ASPHD1: variants seen among roughly 807,000 people sequenced by gnomAD.
The protein encoded by ASPHD1 is aspartate beta-hydroxylase domain containing 1.
Under a neutral mutation model 28.3 loss-of-function variants are expected in ASPHD1, and 20 were observed. The ratio of observed to expected loss-of-function variants is 0.71; its 90% CI spans 0.50 to 1.03. ASPHD1 has a LOEUF of 1.03. Among genes scored for constraint, ASPHD1 ranks in the 50% least tolerant of loss-of-function variants. The probability of loss-of-function intolerance (pLI) is 0.00; values close to 1 mark genes in which losing one functional copy is unlikely to be tolerated. For synonymous variants in ASPHD1, 240 were observed against 221.2 expected (o/e 1.08, Z -0.75); for missense variants, 479 against 524.1 (o/e 0.91, Z 0.84).
chr16:29,918,559 C>T (rs113565760), intron 3 of ASPHD1, among the ~76,000 whole-genome samples: 3 of 152,346 alleles, frequency 2.0e-5, no homozygotes, highest in African/African-American at 7.2e-5. Context: ...CAACCTCTGC[C>T]TCCCAGGTTC....
intron 1 of ASPHD1, among the ~76,000 whole-genome samples, chr16:29,902,151 C>G (rs930351337): frequency 6.6e-6 from 1 of 152,170 alleles, no homozygotes; most frequent in African/African-American, 2.4e-5. Flanking sequence ...CTTGGCTCTC[C>G]CCCCGACCTT....
At chr16:29,905,199 C>T in intron 2 of ASPHD1, 2 of 425,414 alleles carry the variant, frequency 4.7e-6, no homozygotes, top group Admixed American at 8.8e-5. Context: ...AAAGCGGTTA[C>T]CAGCACAGGA....
chr16:29,904,612 C>CAA (rs1243404965), intron 1 of ASPHD1, among the ~76,000 whole-genome samples: 14 of 66,500 alleles, frequency 2.1e-4, no homozygotes, highest in African/African-American at 3.3e-4. Context: ...GACTTTGTCT[C>CAA]AAAAAAAAAA....
intron 3 of ASPHD1, among the ~76,000 whole-genome samples, chr16:29,917,998 A>C (rs2068839698): frequency 6.6e-6 from 1 of 152,142 alleles, no homozygotes; most frequent in African/African-American, 2.4e-5. Context: ...AAATCAGAAA[A>C]ACATTTTTAA....
At chr16:29,910,091 C>T (rs1483485807), downstream of ASPHD1, among the ~76,000 whole-genome samples, 1 of 138,828 alleles carries the variant, frequency 7.2e-6, no homozygotes, top group East Asian at 2.1e-4. Context: ...GAGTGAGACT[C>T]TGTCTAAAAA....
In ASPHD1 at chr16:29,904,839, T is replaced by G. The variant is rs2068586707; in HGVS notation, c.950-13T>G. ...GAGGCAGGAGTGCTGGATGCCCGCG[T>G]CTCTTCTTACAGGCCTAAAGATCCC... On this transcript the variant is annotated splice_polypyrimidine_tract_variant and intron_variant, in intron 1 of 2. Transcript: ENST00000308748. 2 of 1,598,720 alleles carry G rather than the reference T, an allele frequency of 1.3e-6. No homozygotes were observed. The highest frequency in any genetic ancestry group is 1.8e-5 in the Admixed American group (1 of 56,720).
intron 2 of ASPHD1, among the ~76,000 whole-genome samples, 168 bp from the exon 3 acceptor site, chr16:29,905,619 TC>T (rs1169728901): frequency 1.8e-5 from 2 of 109,184 alleles, no homozygotes; most frequent in African/African-American, 7.4e-5. Context: ...AGAGCAAGAC[TC>T]CATCTCAGGA....
chr16:29,917,536 C>T (rs1344056237), intron 3 of ASPHD1, among the ~76,000 whole-genome samples: 2 of 151,984 alleles, frequency 1.3e-5, no homozygotes, highest in Admixed American at 6.6e-5. Flanking sequence ...AATCCCAGCA[C>T]TTTGGGAGAC....
At chr16:29,917,139 G>A (rs1470739577) in intron 3 of ASPHD1, among the ~76,000 whole-genome samples, 1 of 152,138 alleles carries the variant, frequency 6.6e-6, no homozygotes, top group African/African-American at 2.4e-5. Flanking sequence ...CCTATTTGGT[G>A]TGGGAGGGGA....
At chr16:29,913,312 C>G (rs1011177597) in intron 3 of ASPHD1, 1 of 151,974 alleles carries the variant, frequency 6.6e-6, no homozygotes, top group African/African-American at 2.4e-5. Context: ...GCTGCAAAGC[C>G]ACAACAGTGA....
intron 3 of ASPHD1, among the ~76,000 whole-genome samples, chr16:29,917,453 C>T (rs1176715987): frequency 1.3e-5 from 2 of 152,040 alleles, no homozygotes; most frequent in Non-Finnish European, 2.9e-5. Flanking sequence ...TTGAGACCAG[C>T]TTGACCAACA....
downstream of ASPHD1, among the ~76,000 whole-genome samples, chr16:29,908,793 C>A (rs948128991): frequency 2.6e-5 from 4 of 151,900 alleles, no homozygotes; most frequent in African/African-American, 7.3e-5. Context: ...GCCTCAACCT[C>A]CCGGGCTCAA....
downstream of ASPHD1, among the ~76,000 whole-genome samples, chr16:29,910,097 A>G (rs1377255316): frequency 7.5e-6 from 1 of 132,472 alleles, no homozygotes; most frequent in African/African-American, 2.8e-5. Flanking sequence ...GACTCTGTCT[A>G]AAAAAAAAAA....
chr16:29,908,357 G>A (rs2068648824), downstream of ASPHD1, among the ~76,000 whole-genome samples: 1 of 152,064 alleles, frequency 6.6e-6, no homozygotes, highest in African/African-American at 2.4e-5. Flanking sequence ...ACAGCTCTTA[G>A]CAAACTGTTT....
intron 3 of ASPHD1, chr16:29,911,084 A>G: frequency 6.2e-7 from 1 of 1,614,178 alleles, no homozygotes; most frequent in Non-Finnish European, 8.5e-7. Flanking sequence ...GTCCCCCAGG[A>G]CATCCTTGAG....
At chr16:29,908,279 G>A (rs1324516945), downstream of ASPHD1, among the ~76,000 whole-genome samples, 1 of 152,170 alleles carries the variant, frequency 6.6e-6, no homozygotes, top group Admixed American at 6.6e-5. Flanking sequence ...AGATGAGAGG[G>A]AATGGAAAGG....
At chr16:29,912,545 A>G (rs2068733792) in intron 3 of ASPHD1, among the ~76,000 whole-genome samples, 1 of 152,200 alleles carries the variant, frequency 6.6e-6, no homozygotes, top group African/African-American at 2.4e-5. Flanking sequence ...GGTTAAAGCA[A>G]TTCTCCTGCC....
intron 2 of ASPHD1, 67 bp downstream of exon 2, chr16:29,905,032 C>A: frequency 8.4e-7 from 1 of 1,192,784 alleles, no homozygotes; most frequent in Non-Finnish European, 1.2e-6. Context: ...GACTAGAAGG[C>A]AGCAGAATCA....
chr16:29,909,060 T>C (rs1232367657), downstream of ASPHD1, among the ~76,000 whole-genome samples: 1 of 151,932 alleles, frequency 6.6e-6, no homozygotes, highest in African/African-American at 2.4e-5. Flanking sequence ...GATTCATTCA[T>C]TCATTCATTC....
Sources: allele counts gnomAD v4.1 joint callset (sites outside exome capture counted in the v4.1 genomes callset), GRCh38; gene constraint gnomAD v4.1.1; transcripts MANE v1.5; gene names NCBI Gene and HGNC (gene_info 2026-07-23, HGNC 2026-07-21).